ZNF385B: variants seen among roughly 807,000 people sequenced by gnomAD.
ZNF385B encodes the protein zinc finger protein 533.
In ZNF385B, 23 loss-of-function variants were observed where a neutral mutation model predicts 39.2. The ratio of observed to expected loss-of-function variants is 0.59; its 90% CI spans 0.42 to 0.83. ZNF385B has a LOEUF of 0.83. Among genes scored for constraint, ZNF385B ranks in the 40% least tolerant of loss-of-function variants. The probability of loss-of-function intolerance (pLI) is 0.00; values close to 1 mark genes in which losing one functional copy is unlikely to be tolerated. For synonymous variants in ZNF385B, 205 were observed against 222.6 expected, an observed-to-expected ratio of 0.92 and a Z score of 0.70; for missense variants, 552 against 598.9, an observed-to-expected ratio of 0.92 and a Z score of 0.82.
intron 1 of ZNF385B, among the ~76,000 whole-genome samples, chr2:179,852,462 G>T (rs1394704354): frequency 6.6e-6 from 1 of 152,186 alleles, no homozygotes; most frequent in African/African-American, 2.4e-5. Flanking sequence ...CTGGCTCCAG[G>T]ACCTCACCTC....
In ZNF385B at chr2:179,590,026, G is replaced by A. The variant is rs1687419130; in HGVS notation, c.299-45057C>T. ...ATAGCAGAAAATACATGTTTAAAAA[G>A]GCCTGGGTTAACATCTCTGCTATTG... On this transcript the variant is annotated intron_variant, in intron 3 of 9. Transcript: ENST00000410066. 2.0e-5 allele frequency among the ~76,000 whole-genome samples: 3 copies of A among 152,158 alleles called. No individual in the cohort carries two copies. The South Asian group carries it at 6.2e-4, about 32-fold the overall frequency.
intron 3 of ZNF385B, among the ~76,000 whole-genome samples, chr2:179,577,420 C>T (rs1574874109): frequency 6.6e-6 from 1 of 151,906 alleles, no homozygotes; most frequent in East Asian, 1.9e-4. Context: ...TAGTGTATGC[C>T]AAAAAGTATA....
chr2:179,804,764 T>A (rs1272542512), intron 1 of ZNF385B, among the ~76,000 whole-genome samples: 2 of 152,204 alleles, frequency 1.3e-5, no homozygotes, highest in East Asian at 3.9e-4. Flanking sequence ...CCTTATCAAC[T>A]ACATCCCTTG....
chr2:179,835,571 T>C (rs560282882), intron 1 of ZNF385B, among the ~76,000 whole-genome samples: 1 of 152,248 alleles, frequency 6.6e-6, no homozygotes, highest in East Asian at 1.9e-4. Context: ...CATTCCTCAC[T>C]ATGGCCATAC....
chr2:179,530,890 C>A (rs1018232446), intron 4 of ZNF385B, among the ~76,000 whole-genome samples: 2 of 152,090 alleles, frequency 1.3e-5, no homozygotes, highest in South Asian at 4.1e-4. Context: ...ATTCCACATG[C>A]CACATAACCG....
At chr2:179,843,613 T>C (rs1020001698) in intron 1 of ZNF385B, among the ~76,000 whole-genome samples, 3 of 152,208 alleles carry the variant, frequency 2.0e-5, no homozygotes, top group African/African-American at 7.2e-5. Context: ...TGATGGAAAA[T>C]GCTGCTATTT....
At chr2:179,757,066 GCT>G (rs2106480236) in intron 3 of ZNF385B, among the ~76,000 whole-genome samples, 1 of 152,222 alleles carries the variant, frequency 6.6e-6, no homozygotes, top group South Asian at 2.1e-4. Context: ...CAGCTTTTCT[GCT>G]CTGTTTTATC....
Position 179,855,013 on chromosome 2 carries a change from T to C in ZNF385B, c.-155+6088A>G, listed in dbSNP as rs7570067. Among the ~76,000 whole-genome samples, 1,175 of 152,160 alleles carry C rather than the reference T, an allele frequency of 7.7e-3. 11 individuals are homozygous for C. The highest frequency in any genetic ancestry group is 0.027 in the African/African-American group (1,105 of 41,522). On this transcript the variant is annotated intron_variant, in intron 1 of 9. Transcript: ENST00000410066. ...CATGCAAAGGATATCAGCATAACAA[T>C]CTCGATAATCATGATCGAGTAGCTC...
At position 179,822,232 on chromosome 2, in the gene ZNF385B, C is replaced by T. The variant is rs528134312; in HGVS notation, c.-155+38869G>A. Among the ~76,000 whole-genome samples the T allele has an allele frequency of 3.9e-5, 6 of 152,262 alleles. No homozygotes were observed. The East Asian group carries it at 5.8e-4, about 15-fold the overall frequency. On this transcript the variant is annotated intron_variant, in intron 1 of 9. Coordinates refer to ENST00000410066, the MANE Select transcript of ZNF385B (RefSeq NM_152520.6). ...CTTCCCTTAGAGGTAGATTGCCTGTCAACTTATTAACCACACATTTTCCAA... is the reference window on the plus strand; with the variant it reads ...CTTCCCTTAGAGGTAGATTGCCTGTTAACTTATTAACCACACATTTTCCAA...
At chr2:179,758,804 T>C (rs1703196577) in intron 3 of ZNF385B, among the ~76,000 whole-genome samples, 1 of 152,168 alleles carries the variant, frequency 6.6e-6, no homozygotes, top group Non-Finnish European at 1.5e-5. Flanking sequence ...AGTTACTCTG[T>C]AGCAGCCTGC....
At chr2:179,608,971 T>C (rs987089342) in intron 3 of ZNF385B, among the ~76,000 whole-genome samples, 3 of 151,958 alleles carry the variant, frequency 2.0e-5, no homozygotes, top group Middle Eastern at 3.2e-3. Context: ...TATATATTTA[T>C]GGGGTACATG....
At chr2:179,579,508 T>A (rs904763970) in intron 3 of ZNF385B, among the ~76,000 whole-genome samples, 1 of 151,944 alleles carries the variant, frequency 6.6e-6, no homozygotes, top group Non-Finnish European at 1.5e-5. Context: ...ATTGCTTTAA[T>A]CTGTTGCTTG....
chr2:179,463,223 G>A (rs186259994), intron 6 of ZNF385B, among the ~76,000 whole-genome samples: 4 of 152,030 alleles, frequency 2.6e-5, no homozygotes, highest in African/African-American at 9.6e-5. Flanking sequence ...CTAATGTCTG[G>A]TCTCCTTTTC....
intron 3 of ZNF385B, among the ~76,000 whole-genome samples, chr2:179,592,277 T>C (rs1285666959): frequency 3.3e-5 from 5 of 152,042 alleles, no homozygotes; most frequent in African/African-American, 1.2e-4. Flanking sequence ...ATATAAAGTC[T>C]ATTTGGAAAA....
chr2:179,700,560 C>G (rs13427033), intron 3 of ZNF385B, among the ~76,000 whole-genome samples: 58,160 of 151,958 alleles, frequency 0.38, 11,238 homozygotes, highest in Admixed American at 0.44. Flanking sequence ...TGGAGACACT[C>G]AGAGATGATG....
intron 3 of ZNF385B, among the ~76,000 whole-genome samples, chr2:179,700,085 C>T (rs1699070837): frequency 1.4e-5 from 1 of 72,588 alleles, no homozygotes. Context: ...ACAAACAAAA[C>T]AGATCTTGCC....
At chr2:179,635,041 C>T (rs1290752095) in intron 3 of ZNF385B, among the ~76,000 whole-genome samples, 2 of 150,222 alleles carry the variant, frequency 1.3e-5, no homozygotes, top group Non-Finnish European at 3.0e-5. Context: ...ACTTGGGAGG[C>T]TGAGGCAGGA....
intron 5 of ZNF385B, among the ~76,000 whole-genome samples, chr2:179,517,012 A>G (rs868283640): frequency 1.3e-5 from 2 of 151,890 alleles, no homozygotes; most frequent in African/African-American, 2.4e-5. Flanking sequence ...GCCTTTCTTC[A>G]TTGAATTCAC....
intron 6 of ZNF385B, among the ~76,000 whole-genome samples, chr2:179,451,112 A>T (rs1313548130): frequency 1.7e-5 from 1 of 59,092 alleles, no homozygotes; most frequent in African/African-American, 6.8e-5. Flanking sequence ...AGGTGGGGGG[A>T]GGGGGGAGGG....
Sources: allele counts gnomAD v4.1 joint callset (sites outside exome capture counted in the v4.1 genomes callset), GRCh38; gene constraint gnomAD v4.1.1; transcripts MANE v1.5; gene names NCBI Gene and HGNC (gene_info 2026-07-23, HGNC 2026-07-21).